Variants in NRXN3 observed in about 807,000 individuals in gnomAD.
NRXN3 encodes neurexin 3.
NRXN3 carries 32 observed loss-of-function variants against 137.6 expected under a neutral mutation model. The observed-to-expected ratio is 0.23, with a 90% CI of 0.18 to 0.31. NRXN3 has a LOEUF of 0.31. Among genes scored for constraint, NRXN3 ranks in the 10% least tolerant of loss-of-function variants. NRXN3 has a pLI of 1.00. For missense variants in NRXN3, 1,574 were observed against 2,062.5 expected, an observed-to-expected ratio of 0.76 and a Z score of 4.59; for synonymous variants, 798 against 784.5, an observed-to-expected ratio of 1.02 and a Z score of -0.29.
intron 10 of NRXN3, among the ~76,000 whole-genome samples, chr14:78,902,567 G>T (rs1348961760): frequency 6.6e-6 from 1 of 151,970 alleles, no homozygotes; most frequent in African/African-American, 2.4e-5. Context: ...AGGAGGAGAA[G>T]TTATAAATAA....
chr14:78,325,859 G>A (rs1394656696), intron 4 of NRXN3, among the ~76,000 whole-genome samples: 2 of 152,126 alleles, frequency 1.3e-5, no homozygotes, highest in Non-Finnish European at 2.9e-5. Flanking sequence ...TGCAAAGTGA[G>A]TTGAGCTTTG....
chr14:78,837,005 A>C (rs1345477584), intron 10 of NRXN3, among the ~76,000 whole-genome samples: 1 of 152,112 alleles, frequency 6.6e-6, no homozygotes. Flanking sequence ...GGCAGTGTTC[A>C]AGTTCACTTG....
At position 78,731,631 on chromosome 14, in the gene NRXN3, C is replaced by CTG. The variant is rs532280358; in HGVS notation, c.2044+16508_2044+16509dup. ...TATGTGTGTGTGTGTGTGTGTGTCT[C>CTG]TGTGTGTGTGTGTGTGTATTCTATT... is the stretch of plus-strand genomic sequence containing the variant. On this transcript the variant is annotated intron_variant, in intron 8 of 20. Coordinates refer to ENST00000335750, the MANE Select transcript of NRXN3 (RefSeq NM_001330195.2). Among the ~76,000 whole-genome samples, 1,097 of 146,910 alleles carry CTG rather than the reference C, an allele frequency of 7.5e-3. 9 individuals carry two copies. The highest frequency in any genetic ancestry group is 0.025 in the African/African-American group (1,002 of 39,884).
At chr14:78,375,388 T>C (rs960878395) in intron 4 of NRXN3, among the ~76,000 whole-genome samples, 2 of 152,228 alleles carry the variant, frequency 1.3e-5, no homozygotes, top group African/African-American at 4.8e-5. Flanking sequence ...TCAATATTTA[T>C]AGTCCCAGAT....
chr14:78,333,641 G>A (rs906807310), intron 4 of NRXN3, among the ~76,000 whole-genome samples: 1 of 152,124 alleles, frequency 6.6e-6, no homozygotes, highest in East Asian at 1.9e-4. Context: ...CCTCACTGAG[G>A]ATATGATATT....
At chr14:78,816,195 A>T (rs1364417909) in intron 10 of NRXN3, among the ~76,000 whole-genome samples, 1 of 152,162 alleles carries the variant, frequency 6.6e-6, no homozygotes, top group East Asian at 1.9e-4. Flanking sequence ...AGATTGGTTT[A>T]TTTTAAAATA....
At chr14:78,967,509 C>A in intron 13 of NRXN3, 111 bp downstream of exon 13, 1 of 732,754 alleles carries the variant, frequency 1.4e-6, no homozygotes, top group East Asian at 2.7e-5. Context: ...GATACATCAT[C>A]CATATCCTGT....
At chr14:79,087,084 C>T (rs1187551833) in intron 15 of NRXN3, among the ~76,000 whole-genome samples, 1 of 152,114 alleles carries the variant, frequency 6.6e-6, no homozygotes, top group Admixed American at 6.5e-5. Context: ...AGATCAATTC[C>T]TTGTCTACGA....
intron 15 of NRXN3, among the ~76,000 whole-genome samples, chr14:79,139,908 C>CAT (rs34927047): frequency 0.14 from 20,217 of 143,634 alleles, 1,704 homozygotes; most frequent in Admixed American, 0.29. Context: ...ATGGCATATG[C>CAT]ATATATATAT....
intron 15 of NRXN3, among the ~76,000 whole-genome samples, chr14:79,315,621 A>G (rs2153233488): frequency 6.6e-6 from 1 of 152,320 alleles, no homozygotes. Flanking sequence ...AAATATTACA[A>G]TAAATAACAT....
At chr14:78,949,109 TTTCTGGCCAGGAAG>T (rs1404847069) in intron 10 of NRXN3, among the ~76,000 whole-genome samples, 1 of 152,198 alleles carries the variant, frequency 6.6e-6, no homozygotes, top group Non-Finnish European at 1.5e-5. Flanking sequence ...AGCTGCATTT[TTTCTGGCCAGGAAG>T]AATATATATT....
chr14:78,660,434 C>T (rs542766036), intron 6 of NRXN3, among the ~76,000 whole-genome samples: 80 of 152,132 alleles, frequency 5.3e-4, no homozygotes, highest in African/African-American at 1.9e-3. Context: ...TAATTAGAGA[C>T]TCCTATTCAC....
intron 10 of NRXN3, among the ~76,000 whole-genome samples, chr14:78,845,626 A>G (rs1282536827): frequency 6.6e-6 from 1 of 152,036 alleles, no homozygotes; most frequent in East Asian, 1.9e-4. Flanking sequence ...GTTGATGTGT[A>G]GGTGACAATT....
At chr14:79,257,382 G>A (rs868712596) in intron 15 of NRXN3, among the ~76,000 whole-genome samples, 14 of 86,976 alleles carry the variant, frequency 1.6e-4, no homozygotes, top group South Asian at 4.4e-4. Context: ...GGTGGTGGTG[G>A]TGGTGATGGT....
chr14:78,353,541 G>A (rs1182061438), intron 4 of NRXN3, among the ~76,000 whole-genome samples: 2 of 152,078 alleles, frequency 1.3e-5, no homozygotes, highest in African/African-American at 4.8e-5. Context: ...ACCTCCAAAG[G>A]CTGGGGTCAC....
intron 4 of NRXN3, among the ~76,000 whole-genome samples, chr14:78,334,268 C>T (rs1169519277): frequency 6.6e-6 from 1 of 152,122 alleles, no homozygotes; most frequent in African/African-American, 2.4e-5. Flanking sequence ...GAGATATACA[C>T]TTGAGGGTCA....
chr14:79,260,078 A>G (rs75318367), intron 15 of NRXN3, among the ~76,000 whole-genome samples: 5,771 of 152,054 alleles, frequency 0.038, 150 homozygotes, highest in Middle Eastern at 0.068. Flanking sequence ...AATTTTCTCA[A>G]GTTTTGCAAA....
chr14:78,831,435 C>G (rs568124008), intron 10 of NRXN3, among the ~76,000 whole-genome samples: 58 of 142,192 alleles, frequency 4.1e-4, no homozygotes, highest in Admixed American at 1.4e-3. Flanking sequence ...ACTTGGGATA[C>G]TGAGGCAGAG....
At chr14:78,376,930 A>G (rs1369190490) in intron 4 of NRXN3, among the ~76,000 whole-genome samples, 1 of 152,236 alleles carries the variant, frequency 6.6e-6, no homozygotes, top group Admixed American at 6.5e-5. Context: ...AAAAAGATAT[A>G]TACTTTGTAT....
Sources: gnomAD v4.1 joint callset for allele counts (sites outside exome capture counted in the v4.1 genomes callset) on GRCh38, gnomAD v4.1.1 for gene constraint, MANE v1.5 for transcripts, NCBI Gene and HGNC (gene_info 2026-07-23, HGNC 2026-07-21) for gene names.